The following SLC8A1 variants were observed in gnomAD, a reference collection of about 807,000 sequenced individuals.
SLC8A1 encodes sodium/calcium exchanger 1.
Under a neutral mutation model 68.3 loss-of-function variants are expected in SLC8A1, and 18 were observed. The observed-to-expected ratio is 0.26, with a 90% CI of 0.18 to 0.39. The LOEUF (loss-of-function observed/expected upper bound fraction) is 0.39. Among genes scored for constraint, SLC8A1 ranks in the 10% least tolerant of loss-of-function variants. The probability of loss-of-function intolerance (pLI) is 1.00; values close to 1 mark genes in which losing one functional copy is unlikely to be tolerated. For synonymous variants in SLC8A1, 475 were observed against 415.5 expected (o/e 1.14, Z -1.74); for missense variants, 985 against 1,156.7 (o/e 0.85, Z 2.15).
chr2:40,284,309 TTA>T (rs2067946043), intron 2 of SLC8A1, among the ~76,000 whole-genome samples: 1 of 148,618 alleles, frequency 6.7e-6, no homozygotes, highest in Admixed American at 6.8e-5. Context: ...TAGAGAAATG[TTA>T]TAGATATTGA....
At chr2:40,178,002 G>A in intron 2 of SLC8A1, 1 of 624,846 alleles carries the variant, frequency 1.6e-6, no homozygotes, top group South Asian at 1.9e-5. Flanking sequence ...AGGGCATCTT[G>A]GGTACTCTTG....
intron 2 of SLC8A1, among the ~76,000 whole-genome samples, chr2:40,197,551 C>T (rs945070884): frequency 1.4e-4 from 21 of 151,926 alleles, no homozygotes; most frequent in Non-Finnish European, 2.5e-4. Flanking sequence ...TAGGTGCTTT[C>T]CCCCTTTAGC....
chr2:40,282,711 G>A (rs2067701887), intron 2 of SLC8A1, among the ~76,000 whole-genome samples: 1 of 152,096 alleles, frequency 6.6e-6, no homozygotes, highest in African/African-American at 2.4e-5. Context: ...ATAATTGCCA[G>A]GAATTTTAAA....
intron 2 of SLC8A1, among the ~76,000 whole-genome samples, chr2:40,385,096 C>G (rs1203922905): frequency 6.6e-6 from 1 of 152,042 alleles, no homozygotes; most frequent in Non-Finnish European, 1.5e-5. Flanking sequence ...AAAAATTCAA[C>G]TCTTATAGTA....
At chr2:40,334,596 T>C (rs1258743356) in intron 2 of SLC8A1, among the ~76,000 whole-genome samples, 2 of 152,194 alleles carry the variant, frequency 1.3e-5, no homozygotes, top group Non-Finnish European at 2.9e-5. Context: ...GGGTATGTCC[T>C]GCAATGCACT....
chr2:40,235,677 T>A (rs1479985907), intron 2 of SLC8A1, among the ~76,000 whole-genome samples: 1 of 152,144 alleles, frequency 6.6e-6, no homozygotes, highest in South Asian at 2.1e-4. Flanking sequence ...TTCTAGTTCT[T>A]TTAATGGTGA....
At chr2:40,343,039 A>G (rs1182794228) in intron 2 of SLC8A1, among the ~76,000 whole-genome samples, 1 of 152,112 alleles carries the variant, frequency 6.6e-6, no homozygotes, top group Non-Finnish European at 1.5e-5. Flanking sequence ...CATTTTAATT[A>G]TGAGTAAAAT....
At chr2:40,277,686 T>C (rs748039489) in intron 2 of SLC8A1, among the ~76,000 whole-genome samples, 14 of 151,224 alleles carry the variant, frequency 9.3e-5, no homozygotes, top group Non-Finnish European at 1.9e-4. Context: ...ATAATGGCTG[T>C]AATAAAATCA....
intron 7 of SLC8A1, among the ~76,000 whole-genome samples, chr2:40,125,068 T>G (rs2037777621): frequency 6.6e-6 from 1 of 152,228 alleles, no homozygotes; most frequent in Non-Finnish European, 1.5e-5. Flanking sequence ...ACAAAGAGCA[T>G]GTATTGTTTA....
At chr2:40,275,431 T>A (rs2066577242) in intron 2 of SLC8A1, among the ~76,000 whole-genome samples, 1 of 152,226 alleles carries the variant, frequency 6.6e-6, no homozygotes, top group Admixed American at 6.5e-5. Flanking sequence ...TCAAACAAAC[T>A]GCTCTACCTA....
chr2:40,302,858 G>T (rs997387966), intron 2 of SLC8A1, among the ~76,000 whole-genome samples: 2 of 152,096 alleles, frequency 1.3e-5, no homozygotes, highest in Admixed American at 6.6e-5. Flanking sequence ...CCCCCCAGCA[G>T]TGAAGAAGTG....
At chr2:40,385,588 T>C (rs1411476753) in intron 2 of SLC8A1, among the ~76,000 whole-genome samples, 2 of 151,168 alleles carry the variant, frequency 1.3e-5, no homozygotes, top group East Asian at 1.9e-4. Context: ...AAATGTACCA[T>C]GAGGAGCAAC....
At chr2:40,376,587 G>GGGAAAGGGAAAAGGAAAA (rs573037872) in intron 2 of SLC8A1, among the ~76,000 whole-genome samples, 4,060 of 152,026 alleles carry the variant, frequency 0.027, 84 homozygotes, top group Non-Finnish European at 0.04. Context: ...GAAAGGAAAA[G>GGGAAAGGGAAAAGGAAAA]GGAAAGGGAA....
chr2:40,447,237 C>T (rs1246606491), intron 1 of SLC8A1, among the ~76,000 whole-genome samples: 2 of 152,106 alleles, frequency 1.3e-5, no homozygotes, highest in African/African-American at 2.4e-5. Flanking sequence ...CGAATCTATT[C>T]AAGATTTTAA....
At chr2:40,455,121 G>A (rs1012316149), upstream of SLC8A1, among the ~76,000 whole-genome samples, 2 of 152,130 alleles carry the variant, frequency 1.3e-5, no homozygotes, top group Non-Finnish European at 2.9e-5. Flanking sequence ...TGATATATTC[G>A]AAAGATGTTC....
intron 1 of SLC8A1, among the ~76,000 whole-genome samples, chr2:40,470,277 C>G (rs1458153064): frequency 9.2e-5 from 14 of 151,994 alleles, no homozygotes; most frequent in Admixed American, 9.2e-4. Flanking sequence ...TTCTGTAGGG[C>G]AATCTAGCAA....
chr2:40,193,711 T>C lies in SLC8A1; in HGVS notation c.1809-15856A>G, dbSNP rs145855383. 1.4e-3 allele frequency among the ~76,000 whole-genome samples: 208 copies of C among 152,184 alleles called. 2 individuals are homozygous for C. Among genetic ancestry groups the C allele is most frequent in the African/African-American group, 4.8e-3 (201 of 41,540 alleles). On this transcript the variant is annotated intron_variant, in intron 2 of 7. Coordinates refer to ENST00000406785, the Ensembl canonical transcript of SLC8A1. ...GACTGCTATTATCCAATTTAACTTT[T>C]AGTACAATCACTAACTCTAGAATAA...
intron 2 of SLC8A1, among the ~76,000 whole-genome samples, chr2:40,405,416 C>G (rs1165348460): frequency 6.6e-6 from 1 of 152,120 alleles, no homozygotes; most frequent in African/African-American, 2.4e-5. Flanking sequence ...TGTTTCCATA[C>G]CTCAAATATG....
chr2:40,170,175 G>T, intron 4 of SLC8A1, 106 bp downstream of exon 7: 2 of 957,566 alleles, frequency 2.1e-6, no homozygotes, highest in Non-Finnish European at 3.3e-6. Flanking sequence ...GCATTATTTA[G>T]CAATGTTTTA....
Sources: gnomAD v4.1 joint callset for allele counts (sites outside exome capture counted in the v4.1 genomes callset) on GRCh38, gnomAD v4.1.1 for gene constraint, MANE v1.5 for transcripts, NCBI Gene and HGNC (gene_info 2026-07-23, HGNC 2026-07-21) for gene names.